JMJD1C: variants seen among roughly 807,000 people sequenced by gnomAD.
JMJD1C encodes the protein jumonji domain containing 1C, also known as jumonji domain-containing protein 1C.
Under a neutral mutation model 245.3 loss-of-function variants are expected in JMJD1C, and 31 were observed. That is an observed-to-expected ratio of 0.13 (90% confidence interval 0.09 to 0.17). The LOEUF (loss-of-function observed/expected upper bound fraction) is 0.17. Among genes scored for constraint, JMJD1C ranks in the 10% least tolerant of loss-of-function variants. The pLI is 1.00. For synonymous variants in JMJD1C, 1,057 were observed against 1,017.4 expected (o/e 1.04, Z -0.74); for missense variants, 2,691 against 3,000.2 (o/e 0.90, Z 2.41).
At chr10:63,175,504 G>C (rs1842795330) in intron 24 of JMJD1C, among the ~76,000 whole-genome samples, 1 of 152,160 alleles carries the variant, frequency 6.6e-6, no homozygotes, top group Middle Eastern at 3.2e-3. Context: ...AGTAGTATTT[G>C]TATGGAAGAG....
chr10:63,274,748 A>G (rs903737989), intron 2 of JMJD1C, among the ~76,000 whole-genome samples: 6 of 152,184 alleles, frequency 3.9e-5, no homozygotes, highest in Non-Finnish European at 8.8e-5. Flanking sequence ...TAGCACATTC[A>G]TTCAATCAAT....
chr10:63,387,619 G>GAA (rs1223562618), intron 1 of JMJD1C, among the ~76,000 whole-genome samples: 10 of 90,752 alleles, frequency 1.1e-4, no homozygotes, highest in East Asian at 6.9e-4. Context: ...GAAGAAAAAA[G>GAA]AAAAAAAAAA....
intron 1 of JMJD1C, among the ~76,000 whole-genome samples, chr10:63,517,783 C>T (rs12416349): frequency 0.14 from 19,919 of 139,194 alleles, 1,986 homozygotes; most frequent in Admixed American, 0.32. Flanking sequence ...TATCTAATGG[C>T]CACTTTTTTT....
At chr10:63,445,450 G>A (rs1457576458) in intron 1 of JMJD1C, among the ~76,000 whole-genome samples, 1 of 152,132 alleles carries the variant, frequency 6.6e-6, no homozygotes, top group Non-Finnish European at 1.5e-5. Flanking sequence ...AGAGAAACAA[G>A]TGCAAAGGCC....
chr10:63,314,956 GTTTTTT>G (rs71025156), intron 2 of JMJD1C, among the ~76,000 whole-genome samples: 1 of 133,466 alleles, frequency 7.5e-6, no homozygotes, highest in Non-Finnish European at 1.6e-5. Context: ...AGCCTTTTTT[GTTTTTT>G]TTTTTTTTTT....
chr10:63,507,643 T>TCAAAAAAAAA (rs1954759817), intron 1 of JMJD1C, among the ~76,000 whole-genome samples: 1 of 956 alleles, frequency 1.0e-3, no homozygotes, highest in Admixed American at 5.2e-3. Context: ...AGACTCTGTC[T>TCAAAAAAAAA]CAAAAAAAAA....
At chr10:63,176,713 C>A in intron 23 of JMJD1C, 1 of 389,424 alleles carries the variant, frequency 2.6e-6, no homozygotes, top group Non-Finnish European at 4.6e-6. Context: ...TTCTCACCAC[C>A]TCCTTCCACT....
intron 1 of JMJD1C, among the ~76,000 whole-genome samples, chr10:63,518,387 A>T (rs1394574404): frequency 1.3e-5 from 2 of 152,230 alleles, no homozygotes; most frequent in Non-Finnish European, 2.9e-5. Context: ...TATACCCTAA[A>T]TAAGAGTGGA....
At chr10:63,197,359 T>G in intron 13 of JMJD1C, 52 bp downstream of exon 13, 1 of 1,443,784 alleles carries the variant, frequency 6.9e-7, no homozygotes, top group Non-Finnish European at 9.5e-7. Flanking sequence ...AGAAGAGTGA[T>G]CCTAAAGAAA....
chr10:63,237,295 C>A (rs1280975707), intron 3 of JMJD1C, among the ~76,000 whole-genome samples: 3 of 152,148 alleles, frequency 2.0e-5, no homozygotes, highest in African/African-American at 7.2e-5. Context: ...GCCTTGGCCT[C>A]CCAAAGAGCT....
chr10:63,447,850 A>C (rs1951805688), intron 1 of JMJD1C, among the ~76,000 whole-genome samples: 1 of 151,960 alleles, frequency 6.6e-6, no homozygotes, highest in African/African-American at 2.4e-5. Flanking sequence ...CAGGCAGGAG[A>C]ATCACTTGAA....
At chr10:63,353,694 A>G (rs1394049865) in intron 2 of JMJD1C, among the ~76,000 whole-genome samples, 4 of 150,586 alleles carry the variant, frequency 2.7e-5, no homozygotes, top group Non-Finnish European at 5.9e-5. Context: ...TTTAGTAGAG[A>G]TGGGGTTTAA....
chr10:63,200,797 CAA>C (rs921675773), intron 10 of JMJD1C, 120 bp from the exon 11 acceptor site: 1 of 834,758 alleles, frequency 1.2e-6, no homozygotes, highest in South Asian at 1.7e-5. Flanking sequence ...AGTAAAGAAG[CAA>C]AGACATTAAG....
rs12412642 is a variant in JMJD1C, at chr10:63,502,578, C to A, written n.113+19160G>T. On this transcript the variant is annotated intron_variant and non_coding_transcript_variant, in intron 1 of 3. Transcript: ENST00000633035. ...GTGTGAACCCGCGAGGCGGAGCTTG[C>A]AGTGAGCCAAGTTGCGCCACTGCAC... Among the ~76,000 whole-genome samples, 304 of 143,294 alleles carry A rather than the reference C, an allele frequency of 2.1e-3. 6 individuals carry two copies. In the East Asian group the frequency reaches 0.025, roughly 12 times the overall value. The allele number at this position is 143,294 out of a possible 152,430, so 94.0% of individuals were successfully genotyped here. A position where few individuals can be genotyped will look rare whatever the true frequency, so the allele number is the denominator to read the frequency against.
At position 63,445,057 on chromosome 10, in the gene JMJD1C, T is replaced by A. The variant is rs1171409314; in HGVS notation, c.168+20438A>T. Among the ~76,000 whole-genome samples, 3 of 151,758 alleles carry A rather than the reference T, an allele frequency of 2.0e-5. No individual in the cohort carries two copies. In the East Asian group the frequency reaches 5.8e-4, roughly 29 times the overall value. On this transcript the variant is annotated intron_variant, in intron 1 of 25. Coordinates refer to ENST00000399262, the MANE Select transcript of JMJD1C (RefSeq NM_032776.3). ...GCCTGGGCAACATAGTGATACCCAGTCTCTACAAAAAAACAATTAAAAAAA... is the reference window on the plus strand; with the variant it reads ...GCCTGGGCAACATAGTGATACCCAGACTCTACAAAAAAACAATTAAAAAAA...
intron 2 of JMJD1C, among the ~76,000 whole-genome samples, chr10:63,344,747 G>C (rs1044571181): frequency 6.6e-6 from 1 of 151,024 alleles, no homozygotes; most frequent in African/African-American, 2.4e-5. Context: ...AAAAAAAATA[G>C]ACGGTAAAAA....
At chr10:63,186,120 A>G in intron 19 of JMJD1C, 95 bp downstream of exon 19, 2 of 930,878 alleles carry the variant, frequency 2.1e-6, no homozygotes, top group Non-Finnish European at 3.3e-6. Flanking sequence ...CATAAAACAG[A>G]TGTTTCAAAG....
chr10:63,403,780 A>T (rs1376064274), intron 1 of JMJD1C, among the ~76,000 whole-genome samples: 2 of 152,160 alleles, frequency 1.3e-5, no homozygotes, highest in Non-Finnish European at 2.9e-5. Flanking sequence ...CTACTAAAAA[A>T]TACAAAAAGG....
intron 2 of JMJD1C, among the ~76,000 whole-genome samples, chr10:63,319,252 A>G (rs1360684167): frequency 9.2e-6 from 1 of 108,802 alleles, no homozygotes; most frequent in Non-Finnish European, 1.8e-5. Context: ...GCGAGACTCC[A>G]TCTAAAAAAA....
Sources: allele counts gnomAD v4.1 joint callset (sites outside exome capture counted in the v4.1 genomes callset), GRCh38; gene constraint gnomAD v4.1.1; transcripts MANE v1.5; gene names NCBI Gene and HGNC (gene_info 2026-07-23, HGNC 2026-07-21).